The following PROM1 variants were observed in gnomAD, a reference collection of about 807,000 sequenced individuals.
The protein encoded by PROM1 is prominin 1, also known as prominin-1.
A neutral mutation model predicts 116.9 loss-of-function variants in PROM1; 105 were observed. The observed-to-expected ratio is 0.90, with a 90% confidence interval of 0.77 to 1.06. PROM1 has a LOEUF of 1.06. Ranked by LOEUF, PROM1 falls within the 50% of genes least tolerant of loss-of-function variation. The pLI, the probability that PROM1 is intolerant of heterozygous loss-of-function variation, is 0.00. For missense variants in PROM1, 1,122 were observed against 1,045.2 expected (o/e 1.07, Z -1.01); for synonymous variants, 393 against 387.0 (o/e 1.02, Z -0.18).
intron 16 of PROM1, 85 bp from the exon 17 acceptor site, chr4:15,992,476 G>A: frequency 7.0e-7 from 1 of 1,437,196 alleles, no homozygotes; most frequent in Non-Finnish European, 9.5e-7. Flanking sequence ...ATAAAAGCTG[G>A]ATGTGGTGGC....
chr4:16,000,645 T>C (rs767957007), intron 13 of PROM1, 26 bp from the exon 14 acceptor site: 3 of 1,512,834 alleles, frequency 2.0e-6, no homozygotes, highest in African/African-American at 2.8e-5. Flanking sequence ...AAGTTAGTAA[T>C]TCAACAAAGA....
intron 15 of PROM1, among the ~76,000 whole-genome samples, chr4:15,998,130 C>T (rs747730276): frequency 2.0e-5 from 3 of 152,186 alleles, no homozygotes; most frequent in Non-Finnish European, 2.9e-5. Flanking sequence ...CGTAGGGTCA[C>T]CTTAACTAGT....
chr4:15,990,803 A>G (rs1468453028), intron 18 of PROM1, among the ~76,000 whole-genome samples: 1 of 152,256 alleles, frequency 6.6e-6, no homozygotes, highest in East Asian at 1.9e-4. Flanking sequence ...CTGGGAAGTT[A>G]CCACTCATTT....
At chr4:16,057,746 C>A (rs1578247392) in intron 2 of PROM1, among the ~76,000 whole-genome samples, 2 of 151,994 alleles carry the variant, frequency 1.3e-5, no homozygotes, top group African/African-American at 4.8e-5. Context: ...TTATATCTAC[C>A]TAGGTTTACA....
In PROM1 at chr4:16,004,805, A is replaced by ATCTT. The variant is rs147556972; in HGVS notation, c.1454+1729_1454+1732dup. Among the ~76,000 whole-genome samples the ATCTT allele has an allele frequency of 2.2e-4, 28 of 125,076 alleles. No individual in the cohort carries two copies. In the East Asian group the frequency reaches 4.1e-3, roughly 18 times the overall value. The allele number at this position is 125,076 out of a possible 152,430, so 82.1% of individuals were successfully genotyped here. The stretch of plus-strand genomic sequence containing the variant: ...CTCTGTCCACAGGTACTTGCAGCTA[A>ATCTT]TCTTTCTTTCTTTCTTTCTTTCTTT... On this transcript the variant is annotated intron_variant, in intron 13 of 27. Coordinates refer to ENST00000447510, the MANE Select transcript of PROM1 (RefSeq NM_006017.3).
chr4:15,980,305 A>C (rs1182660558), intron 24 of PROM1, 117 bp downstream of exon 24: 1 of 111,576 alleles, frequency 9.0e-6, no homozygotes, highest in Non-Finnish European at 1.6e-5. Context: ...ACTACTACTA[A>C]AAAAAAAAAA....
At chr4:16,022,479 G>A (rs564124130) in intron 8 of PROM1, among the ~76,000 whole-genome samples, 66 of 152,306 alleles carry the variant, frequency 4.3e-4, no homozygotes, top group African/African-American at 1.5e-3. Context: ...TGTTCTGCAC[G>A]TCCTCCAGTT....
Position 16,000,558 on chromosome 4 carries a change from C to G in PROM1, c.1516G>C (p.Val506Leu). Residue 506 changes from valine (V) to leucine (L), a missense_variant, in exon 14 of 28, where the codon GTC (valine) becomes CTC (leucine). Transcript: ENST00000447510. ...ILMIIVVLTF[V>L]FGANVEKLIC... is the part of the protein sequence containing the mutation. ...AGTTTTTCCACATTTGCACCAAAGACAAAGGTAAGAACCACAATGATCATC... is the reference window on the plus strand; with the variant it reads ...AGTTTTTCCACATTTGCACCAAAGAGAAAGGTAAGAACCACAATGATCATC... 1 of 1,591,278 alleles carries G rather than the reference C, an allele frequency of 6.3e-7. No individual in the cohort carries two copies. Among genetic ancestry groups the G allele is most frequent in the African/African-American group, 1.3e-5 (1 of 74,480 alleles).
intron 23 of PROM1, among the ~76,000 whole-genome samples, chr4:15,981,000 C>T (rs1421973339): frequency 6.8e-6 from 1 of 147,924 alleles, no homozygotes; most frequent in Admixed American, 6.7e-5. Flanking sequence ...CTCACTCTGT[C>T]GCCCAGGCTA....
intron 9 of PROM1, 47 bp from the exon 10 acceptor site, chr4:16,016,287 A>C (rs1278519416): frequency 7.1e-7 from 1 of 1,414,566 alleles, no homozygotes; most frequent in South Asian, 1.3e-5. Context: ...TTACCTTCAA[A>C]ACAATTCCTC....
At chr4:15,981,728 C>A (rs115365403) in intron 23 of PROM1, among the ~76,000 whole-genome samples, 1 of 152,106 alleles carries the variant, frequency 6.6e-6, no homozygotes, top group Non-Finnish European at 1.5e-5. Context: ...CAATGTTTCA[C>A]GTTTAATTTA....
chr4:16,043,931 C>CT (rs1735917235), intron 2 of PROM1, among the ~76,000 whole-genome samples: 2 of 152,204 alleles, frequency 1.3e-5, no homozygotes, highest in Non-Finnish European at 2.9e-5. Context: ...CAGGGCCTCT[C>CT]TGTCTGTCTC....
Position 16,006,633 on chromosome 4 carries a change from G to A in PROM1, c.1359C>T (p.Tyr453=). Residue 453 remains tyrosine, a synonymous_variant, in exon 13 of 28, where the codon TAC becomes TAT. Transcript: ENST00000447510. ...CGCACACGCCACACAGTAAGCCCAG[G>A]TAGTAAAAAATCACGATGAGGGTCA... The part of the protein sequence containing the change: ...SLLTLIVIFY[Y]LGLLCGVCGY... 2 of 1,612,602 alleles carry A rather than the reference G, an allele frequency of 1.2e-6. No homozygotes were observed. Among genetic ancestry groups the A allele is most frequent in the Non-Finnish European group, 1.7e-6 (2 of 1,179,418 alleles).
chr4:16,003,389 C>T, intron 13 of PROM1: 1 of 456,772 alleles, frequency 2.2e-6, no homozygotes, highest in Non-Finnish European at 4.4e-6. Flanking sequence ...CAAAGAGCAT[C>T]ATGGTCTTTT....
chr4:15,980,639 T>A (rs77314058), intron 23 of PROM1, 102 bp from the exon 24 acceptor site: 25,557 of 762,754 alleles, frequency 0.034, 651 homozygotes, highest in Middle Eastern at 0.066. Context: ...TTGGAATTTT[T>A]AAAAATGAGT....
At position 15,976,769 on chromosome 4, in the gene PROM1, A is replaced by G. The variant is rs1196628902; in HGVS notation, c.2582+2626T>C. On this transcript the variant is annotated intron_variant, in intron 26 of 27. Transcript: ENST00000447510. Reference sequence around the variant, plus strand: ...GGATGCAGCACATTCTTCCAGGCCTACCAGTGCATCTGCTTCTCAGGGAGC... The same window carrying G: ...GGATGCAGCACATTCTTCCAGGCCTGCCAGTGCATCTGCTTCTCAGGGAGC... Among the ~76,000 whole-genome samples, 5 of 152,134 alleles carry G rather than the reference A, an allele frequency of 3.3e-5. No homozygotes were observed. The East Asian group carries it at 9.6e-4, about 29-fold the overall frequency.
At chr4:15,979,539 C>A in intron 25 of PROM1, 76 bp from the exon 26 acceptor site, 2 of 1,499,646 alleles carry the variant, frequency 1.3e-6, no homozygotes, top group South Asian at 1.4e-5. Context: ...ATTACAAAGA[C>A]AATGTAATGG....
chr4:15,984,307 T>G lies in PROM1; in HGVS notation c.2329A>C (p.Thr777Pro). 6.2e-7 allele frequency: 1 copy of G among 1,609,176 alleles called. No homozygotes were observed. The highest frequency in any genetic ancestry group is 1.1e-5 in the South Asian group (1 of 89,708). ...CTACACAGAAAGACATCAACAGCAGTATCTAGAGCGGTGGCCACAGGTTTG... is the reference window on the plus strand; with the variant it reads ...CTACACAGAAAGACATCAACAGCAGGATCTAGAGCGGTGGCCACAGGTTTG... ...SCKPVATALD[T>P]AVDVFLCSYI... Residue 777 changes from threonine to proline, a missense_variant, in exon 23 of 28, where the codon ACT (threonine) becomes CCT (proline). Thr to Pro is a conservative substitution (Grantham distance 38). Transcript: ENST00000447510.
At chr4:16,064,669 G>A (rs1377893250) in intron 2 of PROM1, among the ~76,000 whole-genome samples, 2 of 152,180 alleles carry the variant, frequency 1.3e-5, no homozygotes, top group African/African-American at 2.4e-5. Flanking sequence ...GAGGTGGGCT[G>A]ATCACCTGAG....
Sources: allele counts gnomAD v4.1 joint callset (sites outside exome capture counted in the v4.1 genomes callset), GRCh38; gene constraint gnomAD v4.1.1; transcripts MANE v1.5; gene names NCBI Gene and HGNC (gene_info 2026-07-23, HGNC 2026-07-21).